The following CHST8 variants were observed in gnomAD, a reference collection of about 807,000 sequenced individuals.
CHST8 encodes the protein carbohydrate sulfotransferase 8.
A neutral mutation model predicts 15.0 loss-of-function variants in CHST8; 10 were observed. The observed-to-expected ratio is 0.67, with a 90% confidence interval of 0.41 to 1.13. The LOEUF (loss-of-function observed/expected upper bound fraction) is 1.13. CHST8 is among the 50% of genes most tolerant of loss of function. CHST8 has a pLI of 0.00. For synonymous variants in CHST8, 259 were observed against 256.6 expected (o/e 1.01, Z -0.09); for missense variants, 634 against 608.2 (o/e 1.04, Z -0.45).
intron 1 of CHST8, among the ~76,000 whole-genome samples, chr19:33,639,086 C>CA (rs34970478): frequency 0.059 from 3,741 of 63,464 alleles, 55 homozygotes; most frequent in Non-Finnish European, 0.068. Flanking sequence ...TGATCCTGAC[C>CA]AAAAAAAAAA....
chr19:33,757,522 G>GAA (rs1568358760), intron 3 of CHST8, among the ~76,000 whole-genome samples: 6 of 21,132 alleles, frequency 2.8e-4, no homozygotes, highest in East Asian at 2.4e-3. Context: ...AAGAAAGAAA[G>GAA]AGAAAGAAAG....
intron 2 of CHST8, among the ~76,000 whole-genome samples, chr19:33,688,167 C>T (rs2145255134): frequency 6.6e-6 from 1 of 152,328 alleles, no homozygotes; most frequent in South Asian, 2.1e-4. Context: ...CTGTACTCTG[C>T]CCATGCCCTC....
At chr19:33,668,544 C>A (rs940523455) in intron 2 of CHST8, among the ~76,000 whole-genome samples, 15 of 152,080 alleles carry the variant, frequency 9.9e-5, no homozygotes, top group Non-Finnish European at 2.1e-4. Context: ...AGCAGCAGCT[C>A]TCCAGGGAGG....
At chr19:33,765,632 G>A (rs923848130) in intron 3 of CHST8, among the ~76,000 whole-genome samples, 5 of 151,160 alleles carry the variant, frequency 3.3e-5, no homozygotes, top group Non-Finnish European at 7.4e-5. Context: ...CGCGATCTCC[G>A]CTCACTGCAA....
At position 33,757,398 on chromosome 19, in the gene CHST8, G is replaced by GAAACAAAA; in HGVS notation, c.131-14012_131-14011insCAAAAAAA. 4.0e-4 allele frequency among the ~76,000 whole-genome samples: 2 copies of GAAACAAAA among 4,966 alleles called. 1 individual carries two copies. Among genetic ancestry groups the GAAACAAAA allele is most frequent in the Non-Finnish European group, 9.9e-4 (2 of 2,012 alleles). 3.3% of individuals were successfully genotyped at this position (4,966 alleles called of 152,430 possible). A position where few individuals can be genotyped will look rare whatever the true frequency, so the allele number is the denominator to read the frequency against. Reference sequence around the variant, plus strand: ...CGGTCTCAAAAAAAGAAGAAAGAAAGAAAGAAAGAAAGAAAGAAAGAAAGA... The same window carrying GAAACAAAA: ...CGGTCTCAAAAAAAGAAGAAAGAAAGAAACAAAAAAAGAAAGAAAGAAAGAAAGAAAGA... On this transcript the variant is annotated intron_variant, in intron 3 of 4. Transcript: ENST00000650847.
At chr19:33,659,589 G>C (rs984340165) in intron 1 of CHST8, among the ~76,000 whole-genome samples, 1 of 152,066 alleles carries the variant, frequency 6.6e-6, no homozygotes, top group Non-Finnish European at 1.5e-5. Flanking sequence ...AATCCCTTTG[G>C]GAGGCCGAGG....
intron 1 of CHST8, among the ~76,000 whole-genome samples, chr19:33,644,607 GGT>G (rs1972326856): frequency 6.6e-6 from 1 of 152,064 alleles, no homozygotes; most frequent in Admixed American, 6.5e-5. Context: ...CAGGCATGGT[GGT>G]GTGCACTTGT....
intron 3 of CHST8, among the ~76,000 whole-genome samples, chr19:33,731,338 C>T (rs1283163762): frequency 3.9e-5 from 6 of 152,144 alleles, no homozygotes; most frequent in African/African-American, 7.2e-5. Context: ...TGGGCAATTC[C>T]CAGAACTTAG....
At chr19:33,677,142 T>G (rs1972820243) in intron 2 of CHST8, among the ~76,000 whole-genome samples, 1 of 144,730 alleles carries the variant, frequency 6.9e-6, no homozygotes, top group Non-Finnish European at 1.5e-5. Context: ...CAGCAACCCC[T>G]TGTGTGATCA....
chr19:33,657,168 T>C (rs1281306411), intron 1 of CHST8, among the ~76,000 whole-genome samples: 1 of 139,538 alleles, frequency 7.2e-6, no homozygotes, highest in East Asian at 2.0e-4. Context: ...AACACACATA[T>C]ACTTATACAC....
intron 1 of CHST8, among the ~76,000 whole-genome samples, chr19:33,633,774 C>CGTGTGT (rs55655047): frequency 0.035 from 4,936 of 141,076 alleles, 102 homozygotes; most frequent in South Asian, 0.052. Flanking sequence ...TTTTCTTTTT[C>CGTGTGT]GTGTGTGTGT....
intron 1 of CHST8, among the ~76,000 whole-genome samples, chr19:33,657,462 G>C (rs1972525664): frequency 6.6e-6 from 1 of 151,446 alleles, no homozygotes; most frequent in Non-Finnish European, 1.5e-5. Flanking sequence ...AGAGATGGGG[G>C]GGTTTCGTTA....
At chr19:33,746,540 AC>A (rs1436216798) in intron 3 of CHST8, among the ~76,000 whole-genome samples, 2 of 152,230 alleles carry the variant, frequency 1.3e-5, no homozygotes, top group African/African-American at 4.8e-5. Context: ...TGTTTTTCTT[AC>A]AGGCAAGCAG....
chr19:33,664,242 T>C (rs972758079), intron 1 of CHST8, among the ~76,000 whole-genome samples: 7 of 152,144 alleles, frequency 4.6e-5, no homozygotes, highest in Admixed American at 4.6e-4. Flanking sequence ...GGAATCTATA[T>C]GGTTTACCCT....
chr19:33,724,210 G>C (rs999438010), intron 3 of CHST8, among the ~76,000 whole-genome samples: 3 of 152,098 alleles, frequency 2.0e-5, no homozygotes, highest in African/African-American at 7.2e-5. Context: ...AGGCTCCACC[G>C]GTTACCCCAC....
intron 3 of CHST8, among the ~76,000 whole-genome samples, chr19:33,695,821 C>CTTTCTTTTT (rs57718433): frequency 2.6e-5 from 2 of 76,240 alleles, no homozygotes; most frequent in Non-Finnish European, 5.0e-5. Context: ...TTCTTTCTTT[C>CTTTCTTTTT]TTTTTTTTTT....
Position 33,645,422 on chromosome 19 carries a change from A to G in CHST8, c.-163-22345A>G, listed in dbSNP as rs576172080. On this transcript the variant is annotated intron_variant, in intron 1 of 4. Coordinates refer to ENST00000650847, the MANE Select transcript of CHST8 (RefSeq NM_001127895.2). ...AGGGGCAAAGAGGCCTGGCAGTGGG[A>G]GAGGATGATCCAGCCAAGATGCTGG... is the stretch of plus-strand genomic sequence containing the variant. Among the ~76,000 whole-genome samples the G allele has an allele frequency of 5.4e-4, 82 of 152,282 alleles. 2 individuals carry two copies. Among genetic ancestry groups the G allele is most frequent in the African/African-American group, 1.9e-3 (78 of 41,560 alleles).
At chr19:33,702,077 C>T (rs907352153) in intron 3 of CHST8, among the ~76,000 whole-genome samples, 2 of 152,160 alleles carry the variant, frequency 1.3e-5, no homozygotes, top group Non-Finnish European at 2.9e-5. Flanking sequence ...CAAGTTCAAG[C>T]GATTCTCCTG....
intron 2 of CHST8, among the ~76,000 whole-genome samples, chr19:33,682,494 C>T (rs1047651634): frequency 6.6e-6 from 1 of 152,208 alleles, no homozygotes; most frequent in African/African-American, 2.4e-5. Context: ...ACCATCACCA[C>T]TATCCATCTC....
Sources: gnomAD v4.1 joint callset for allele counts (sites outside exome capture counted in the v4.1 genomes callset) on GRCh38, gnomAD v4.1.1 for gene constraint, MANE v1.5 for transcripts, NCBI Gene and HGNC (gene_info 2026-07-23, HGNC 2026-07-21) for gene names.